Variants in JADE3 observed in about 807,000 individuals in gnomAD.
JADE3 encodes jade family PHD finger 3.
Under a neutral mutation model 50.1 loss-of-function variants are expected in JADE3, and 2 were observed. The ratio of observed to expected loss-of-function variants is 0.04; its 90% confidence interval spans 0.02 to 0.13. The LOEUF is 0.13. Ranked by LOEUF, JADE3 falls within the 10% of genes least tolerant of loss-of-function variation. The pLI is 1.00. For synonymous variants in JADE3, 218 were observed against 232.9 expected (o/e 0.94, Z 0.58); for missense variants, 475 against 634.4 (o/e 0.75, Z 2.70).
At chrX:46,923,629 G>A (rs1465198759) in intron 1 of JADE3, among the ~76,000 whole-genome samples, 3 of 107,563 alleles carry the variant, frequency 2.8e-5, no homozygotes, top group Non-Finnish European at 3.9e-5. Flanking sequence ...TGCCCAGTCT[G>A]GTCTTGAATT....
At chrX:47,018,958 A>G in intron 4 of JADE3, among the ~76,000 whole-genome samples, 1 of 112,230 alleles carries the variant, frequency 8.9e-6, no homozygotes, top group East Asian at 2.8e-4. Flanking sequence ...TAGACTACAC[A>G]TGGCCTTTCC....
chrX:47,034,625 A>G (rs1009562959), intron 7 of JADE3, among the ~76,000 whole-genome samples: 3 of 109,579 alleles, frequency 2.7e-5, no homozygotes, highest in Admixed American at 9.8e-5. Flanking sequence ...TTTGAGACAG[A>G]GTCTCGCTCT....
intron 4 of JADE3, among the ~76,000 whole-genome samples, chrX:47,011,822 A>G (rs1216930165): frequency 8.0e-5 from 9 of 111,878 alleles, no homozygotes; most frequent in African/African-American, 2.9e-4. Context: ...CTTCTTAGCC[A>G]TTTATATATC....
At position 47,019,522 on chromosome X, in the gene JADE3, C is replaced by T. The variant is rs140446389; in HGVS notation, c.285-5202C>T. 5.3e-3 allele frequency among the ~76,000 whole-genome samples: 588 copies of T among 111,734 alleles called. 3 individuals carry two copies. Among genetic ancestry groups the T allele is most frequent in the African/African-American group, 0.017 (518 of 30,722 alleles). On this transcript the variant is annotated intron_variant, in intron 4 of 10. Transcript: ENST00000614628. Reference sequence around the variant, plus strand: ...GCCTCAGCCTCCTGAGTAGCTGGGACTATAGGAACATACCACCACACCCAA... The same window carrying T: ...GCCTCAGCCTCCTGAGTAGCTGGGATTATAGGAACATACCACCACACCCAA...
chrX:47,046,395 C>G (rs1471226247), intron 8 of JADE3, among the ~76,000 whole-genome samples: 6 of 111,881 alleles, frequency 5.4e-5, no homozygotes, highest in African/African-American at 1.9e-4. Context: ...TAAAAAGTTT[C>G]CCTTCAAAGA....
chrX:46,948,778 A>G (rs1602380678), intron 1 of JADE3, among the ~76,000 whole-genome samples: 1 of 111,440 alleles, frequency 9.0e-6, no homozygotes, highest in East Asian at 2.8e-4. Context: ...AGAACATTAT[A>G]AGCACCTCAG....
intron 1 of JADE3, among the ~76,000 whole-genome samples, chrX:46,959,807 GTA>G: frequency 9.1e-6 from 1 of 110,013 alleles, no homozygotes; most frequent in Non-Finnish European, 1.9e-5. Flanking sequence ...AAGGGGCAGA[GTA>G]TCACAGGTAG....
intron 4 of JADE3, among the ~76,000 whole-genome samples, chrX:46,998,974 G>T (rs1337083360): frequency 2.7e-5 from 3 of 111,220 alleles, no homozygotes; most frequent in African/African-American, 9.8e-5. Context: ...TGGGATTACA[G>T]GCCTGAGCCA....
chrX:46,922,240 G>A (rs1926238713), intron 1 of JADE3, among the ~76,000 whole-genome samples: 1 of 111,408 alleles, frequency 9.0e-6, no homozygotes, highest in African/African-American at 3.3e-5. Flanking sequence ...CATAGTTAAT[G>A]TGTCTTTTTT....
intron 9 of JADE3, 98 bp from the exon 10 acceptor site, chrX:47,055,984 C>G: frequency 2.0e-6 from 1 of 491,289 alleles, no homozygotes; most frequent in African/African-American, 2.3e-5. Context: ...CTCCTCACCC[C>G]CACCTGACTT....
At chrX:46,991,776 T>C (rs1928014365) in intron 3 of JADE3, among the ~76,000 whole-genome samples, 2 of 111,953 alleles carry the variant, frequency 1.8e-5, no homozygotes, top group South Asian at 7.5e-4. Flanking sequence ...GCTCAAGGTC[T>C]CTTTGTGCTT....
intron 1 of JADE3, among the ~76,000 whole-genome samples, chrX:46,957,415 G>A (rs1462980069): frequency 8.9e-6 from 1 of 112,472 alleles, no homozygotes; most frequent in Non-Finnish European, 1.9e-5. Context: ...TATGTCACAT[G>A]ATGTTTTTGG....
chrX:47,050,377 T>C (rs1929478713), intron 8 of JADE3, among the ~76,000 whole-genome samples: 2 of 112,242 alleles, frequency 1.8e-5, no homozygotes, highest in Non-Finnish European at 3.8e-5. Context: ...TTATCATTTG[T>C]TTATGGTGAG....
intron 1 of JADE3, among the ~76,000 whole-genome samples, chrX:46,929,830 T>A (rs1041520803): frequency 5.4e-5 from 6 of 112,080 alleles, no homozygotes; most frequent in Non-Finnish European, 1.1e-4. Flanking sequence ...TGGAGTGTTC[T>A]CCATATTGCT....
intron 1 of JADE3, among the ~76,000 whole-genome samples, chrX:46,947,310 C>T (rs1434138204): frequency 3.6e-5 from 4 of 111,650 alleles, no homozygotes; most frequent in Non-Finnish European, 3.8e-5. Flanking sequence ...TGAGCCACCG[C>T]GCCTGGCCTT....
chrX:47,057,001 T>G (rs1157952949), intron 10 of JADE3, among the ~76,000 whole-genome samples: 3 of 111,800 alleles, frequency 2.7e-5, no homozygotes, highest in Middle Eastern at 4.6e-3. Context: ...TTGGGGTATC[T>G]GAGTGTCATG....
intron 3 of JADE3, among the ~76,000 whole-genome samples, chrX:46,997,602 T>C: frequency 8.9e-6 from 1 of 112,247 alleles, no homozygotes; most frequent in East Asian, 2.8e-4. Context: ...CATTAGTTAA[T>C]AGTATTATAG....
At chrX:46,959,130 G>C (rs782606010) in intron 1 of JADE3, among the ~76,000 whole-genome samples, 53 of 112,402 alleles carry the variant, frequency 4.7e-4, no homozygotes, top group African/African-American at 1.6e-3. Context: ...GTAACAGAAA[G>C]AGGGTTTACT....
intron 4 of JADE3, among the ~76,000 whole-genome samples, chrX:47,003,870 ATATT>A: frequency 9.8e-6 from 1 of 101,854 alleles, no homozygotes; most frequent in East Asian, 2.9e-4. Flanking sequence ...TTATTTTTAT[ATATT>A]TATATTTTTA....
Sources: gnomAD v4.1 joint callset for allele counts (sites outside exome capture counted in the v4.1 genomes callset) on GRCh38, gnomAD v4.1.1 for gene constraint, MANE v1.5 for transcripts, NCBI Gene and HGNC (gene_info 2026-07-23, HGNC 2026-07-21) for gene names.